The following TMEM135 variants were observed in gnomAD, a reference collection of about 807,000 sequenced individuals.
The protein encoded by TMEM135 is peroxisomal membrane protein 52.
Under a neutral mutation model 60.3 loss-of-function variants are expected in TMEM135, and 30 were observed. The observed-to-expected ratio is 0.50, with a 90% CI of 0.37 to 0.68. The LOEUF is 0.68. TMEM135 is among the 30% of genes least tolerant of loss of function. The probability of loss-of-function intolerance (pLI) is 0.00; values close to 1 mark genes in which losing one functional copy is unlikely to be tolerated. For missense variants in TMEM135, 468 were observed against 548.8 expected, an observed-to-expected ratio of 0.85 and a Z score of 1.47; for synonymous variants, 190 against 186.7, an observed-to-expected ratio of 1.02 and a Z score of -0.14.
intron 4 of TMEM135, among the ~76,000 whole-genome samples, chr11:87,145,459 C>T (rs1055348912): frequency 6.6e-6 from 1 of 152,158 alleles, no homozygotes. Context: ...AGTGGGATTG[C>T]TGGGTCATAT....
chr11:87,112,272 G>A (rs1857772994), intron 4 of TMEM135, among the ~76,000 whole-genome samples: 1 of 152,034 alleles, frequency 6.6e-6, no homozygotes, highest in Non-Finnish European at 1.5e-5. Context: ...GTACTTTTAG[G>A]AATTAAATTA....
intron 5 of TMEM135, among the ~76,000 whole-genome samples, chr11:87,222,540 A>G (rs1160989906): frequency 6.6e-6 from 1 of 151,202 alleles, no homozygotes; most frequent in African/African-American, 2.4e-5. Flanking sequence ...GTGGTGGCCC[A>G]CGCCTCTTAT....
chr11:87,231,176 G>A (rs1591122535), intron 5 of TMEM135, among the ~76,000 whole-genome samples: 2 of 152,114 alleles, frequency 1.3e-5, no homozygotes, highest in East Asian at 3.9e-4. Context: ...AAAGCTCAAA[G>A]TGTAGGCGGA....
chr11:87,226,313 A>T (rs973513716), intron 5 of TMEM135, among the ~76,000 whole-genome samples: 2 of 152,200 alleles, frequency 1.3e-5, no homozygotes, highest in African/African-American at 4.8e-5. Context: ...CTCTGAGAGT[A>T]TACTTGAATT....
chr11:87,262,607 T>C (rs1941673766), intron 6 of TMEM135, among the ~76,000 whole-genome samples: 1 of 152,216 alleles, frequency 6.6e-6, no homozygotes, highest in African/African-American at 2.4e-5. Flanking sequence ...TGTTATATTG[T>C]TGTATCAATC....
intron 4 of TMEM135, among the ~76,000 whole-genome samples, chr11:87,122,906 G>A (rs990289194): frequency 6.6e-6 from 1 of 152,164 alleles, no homozygotes; most frequent in Non-Finnish European, 1.5e-5. Flanking sequence ...AAGTCCAGAA[G>A]TTGAGTAACT....
At chr11:87,302,479 C>T (rs1324501509) in intron 8 of TMEM135, 37 bp downstream of exon 8, 1 of 1,612,664 alleles carries the variant, frequency 6.2e-7, no homozygotes, top group Admixed American at 1.7e-5. Context: ...CCTGCTTTGT[C>T]ACTGTTTCAT....
At chr11:87,055,954 A>C (rs1362537789) in intron 1 of TMEM135, among the ~76,000 whole-genome samples, 1 of 152,192 alleles carries the variant, frequency 6.6e-6, no homozygotes, top group African/African-American at 2.4e-5. Flanking sequence ...TTATTAAGAA[A>C]GTAAAGTGGT....
At chr11:87,070,239 A>G (rs946776580) in intron 2 of TMEM135, among the ~76,000 whole-genome samples, 6 of 152,242 alleles carry the variant, frequency 3.9e-5, no homozygotes, top group African/African-American at 1.4e-4. Context: ...ATAATTTAGC[A>G]ATTTACCAAC....
intron 6 of TMEM135, among the ~76,000 whole-genome samples, chr11:87,279,925 A>G (rs1370262972): frequency 6.6e-6 from 1 of 152,194 alleles, no homozygotes; most frequent in African/African-American, 2.4e-5. Context: ...GCAGACCTTT[A>G]TTATGTGGAG....
intron 5 of TMEM135, among the ~76,000 whole-genome samples, chr11:87,222,108 G>C (rs1373300355): frequency 1.3e-5 from 2 of 149,744 alleles, no homozygotes; most frequent in African/African-American, 2.5e-5. Flanking sequence ...CGTGAACCCG[G>C]GGGGCGGAGC....
At chr11:87,237,811 C>T (rs772504654) in intron 6 of TMEM135, among the ~76,000 whole-genome samples, 12 of 151,822 alleles carry the variant, frequency 7.9e-5, no homozygotes, top group Non-Finnish European at 1.3e-4. Flanking sequence ...CCTCCCCCTG[C>T]TCCCCACTAC....
intron 6 of TMEM135, among the ~76,000 whole-genome samples, chr11:87,279,741 A>G (rs141757207): frequency 1.8e-3 from 278 of 152,356 alleles, no homozygotes; most frequent in African/African-American, 5.2e-3. Context: ...ACTTATTGGT[A>G]TAGTCTTGGC....
intron 4 of TMEM135, among the ~76,000 whole-genome samples, chr11:87,107,165 A>G (rs1857618266): frequency 6.6e-6 from 1 of 152,074 alleles, no homozygotes; most frequent in African/African-American, 2.4e-5. Context: ...GTCTATTTAG[A>G]TATTTTTTAT....
At chr11:87,160,883 AAGG>A (rs936799731) in intron 5 of TMEM135, among the ~76,000 whole-genome samples, 1 of 152,028 alleles carries the variant, frequency 6.6e-6, no homozygotes, top group African/African-American at 2.4e-5. Context: ...ATAAGCTGGA[AAGG>A]AGATCATTTT....
At chr11:87,061,606 C>G (rs751270201) in intron 1 of TMEM135, among the ~76,000 whole-genome samples, 6 of 152,178 alleles carry the variant, frequency 3.9e-5, no homozygotes, top group Non-Finnish European at 8.8e-5. Flanking sequence ...TGATCAAACT[C>G]GGAGGCTCAC....
At chr11:87,061,872 C>G (rs1949950350) in intron 1 of TMEM135, among the ~76,000 whole-genome samples, 1 of 152,162 alleles carries the variant, frequency 6.6e-6, no homozygotes, top group Non-Finnish European at 1.5e-5. Flanking sequence ...AATTTTGTAT[C>G]ACTCTTCAGT....
At chr11:87,188,735 A>T (rs1365036631) in intron 5 of TMEM135, among the ~76,000 whole-genome samples, 1 of 151,924 alleles carries the variant, frequency 6.6e-6, no homozygotes, top group African/African-American at 2.4e-5. Flanking sequence ...AGCAATATAC[A>T]CTATTAATAC....
At chr11:87,264,718 G>A (rs214744) in intron 6 of TMEM135, among the ~76,000 whole-genome samples, 96,385 of 151,620 alleles carry the variant, frequency 0.64, 30,987 homozygotes, top group Non-Finnish European at 0.67. Flanking sequence ...TTTAAATTCA[G>A]TCTTCCAGAT....
Sources: allele counts gnomAD v4.1 joint callset (sites outside exome capture counted in the v4.1 genomes callset), GRCh38; gene constraint gnomAD v4.1.1; transcripts MANE v1.5; gene names NCBI Gene and HGNC (gene_info 2026-07-23, HGNC 2026-07-21).